UIMC1: variants seen among roughly 807,000 people sequenced by gnomAD.
UIMC1 encodes the protein BRCA1-A complex subunit RAP80.
A neutral mutation model predicts 84.9 loss-of-function variants in UIMC1; 42 were observed. The observed-to-expected ratio is 0.49, with a 90% confidence interval of 0.39 to 0.64. The LOEUF (loss-of-function observed/expected upper bound fraction) is 0.64. Among genes scored for constraint, UIMC1 ranks in the 30% least tolerant of loss-of-function variants. The pLI, the probability that UIMC1 is intolerant of heterozygous loss-of-function variation, is 0.00. For synonymous variants in UIMC1, 281 were observed against 293.0 expected (o/e 0.96, Z 0.42); for missense variants, 825 against 847.6 (o/e 0.97, Z 0.33).
chr5:176,963,566 G>T (rs1767865968), intron 6 of UIMC1, among the ~76,000 whole-genome samples: 1 of 151,074 alleles, frequency 6.6e-6, no homozygotes, highest in Non-Finnish European at 1.5e-5. Flanking sequence ...AAATCATCTG[G>T]TCATCACAGA....
chr5:176,967,185 A>G (rs776873772), intron 6 of UIMC1, among the ~76,000 whole-genome samples: 49 of 152,214 alleles, frequency 3.2e-4, no homozygotes, highest in Non-Finnish European at 5.6e-4. Context: ...ACAGAAAATT[A>G]TCATATAATA....
intron 6 of UIMC1, among the ~76,000 whole-genome samples, chr5:176,960,608 C>T (rs1360293708): frequency 3.8e-5 from 1 of 26,102 alleles, no homozygotes; most frequent in Non-Finnish European, 6.3e-5. Flanking sequence ...GCCCTCTCTC[C>T]CTCTCCCCCT....
intron 1 of UIMC1, among the ~76,000 whole-genome samples, chr5:176,989,636 A>C (rs554069632): frequency 6.6e-6 from 1 of 152,088 alleles, no homozygotes; most frequent in Non-Finnish European, 1.5e-5. Context: ...CAGCCTAGTC[A>C]ACCGACCAAG....
intron 3 of UIMC1, among the ~76,000 whole-genome samples, chr5:176,972,268 G>A (rs1769358896): frequency 1.3e-5 from 2 of 152,064 alleles, no homozygotes; most frequent in Non-Finnish European, 2.9e-5. Context: ...CAGGCATGGT[G>A]GTGAGCGCCT....
At chr5:176,906,251 T>G (rs1412610003) in intron 13 of UIMC1, 10 of 545,892 alleles carry the variant, frequency 1.8e-5, no homozygotes, top group African/African-American at 3.8e-5. Context: ...ATGAACACTT[T>G]TGAATGAACA....
intron 13 of UIMC1, 36 bp downstream of exon 13, chr5:176,907,078 G>C (rs1252836699): frequency 3.1e-6 from 5 of 1,607,840 alleles, no homozygotes; most frequent in Non-Finnish European, 4.3e-6. Flanking sequence ...AAAGGCCTTA[G>C]GCAGAAGCCC....
intron 4 of UIMC1, 69 bp downstream of exon 4, chr5:176,970,673 T>A (rs776663606): frequency 3.5e-5 from 56 of 1,611,052 alleles, no homozygotes; most frequent in Non-Finnish European, 4.7e-5. Flanking sequence ...CTAATGCAAC[T>A]ACAACACCAC....
At chr5:177,004,390 G>A (rs1774977622) in intron 1 of UIMC1, among the ~76,000 whole-genome samples, 1 of 151,970 alleles carries the variant, frequency 6.6e-6, no homozygotes. Flanking sequence ...AAATAAGAAA[G>A]GTCCCTGATC....
chr5:176,961,970 CG>C (rs1767532426), intron 6 of UIMC1, among the ~76,000 whole-genome samples: 1 of 70,958 alleles, frequency 1.4e-5, no homozygotes, highest in Non-Finnish European at 2.9e-5. Context: ...CCCGGCCAGC[CG>C]CCCCGTCCGG....
intron 6 of UIMC1, among the ~76,000 whole-genome samples, chr5:176,961,794 C>A (rs1286845911): frequency 1.0e-4 from 1 of 9,594 alleles, no homozygotes; most frequent in Admixed American, 4.6e-4. Flanking sequence ...CCCGGCCAGC[C>A]GCCCCGTCTG....
At chr5:177,020,020 G>T (rs1215775177) in intron 1 of UIMC1, among the ~76,000 whole-genome samples, 1 of 152,180 alleles carries the variant, frequency 6.6e-6, no homozygotes, top group Non-Finnish European at 1.5e-5. Flanking sequence ...CTGACATAGT[G>T]CTGGTGCTCA....
At chr5:176,985,730 G>C (rs923714967) in intron 1 of UIMC1, among the ~76,000 whole-genome samples, 4 of 152,002 alleles carry the variant, frequency 2.6e-5, no homozygotes, top group Non-Finnish European at 5.9e-5. Flanking sequence ...TCAGCTTCCT[G>C]TGCAGCTGGG....
chr5:176,968,994 G>C lies in UIMC1; in HGVS notation c.761C>G (p.Ser254Cys). The C allele has an allele frequency of 6.2e-7, 1 of 1,614,214 alleles. No homozygotes were observed. The highest frequency in any genetic ancestry group is 8.5e-7 in the Non-Finnish European group (1 of 1,180,044). Residue 254 changes from serine to cysteine, a missense_variant, in exon 6 of 15, where the codon TCT (serine) becomes TGT (cysteine). Transcript: ENST00000511320. ...LKAVQGSGDT[S>C]RHCLPTLADA... is the part of the protein sequence containing the mutation. ...TGCTAGGGTAGGTAGACAGTGCCTA[G>C]ATGTGTCCCCGCTACCCTGGACAGC...
intron 6 of UIMC1, among the ~76,000 whole-genome samples, chr5:176,963,906 T>C (rs865852256): frequency 1.8e-4 from 27 of 152,156 alleles, no homozygotes; most frequent in Admixed American, 5.2e-4. Flanking sequence ...TTCTGAAAAG[T>C]AGTAACCACA....
intron 7 of UIMC1, 85 bp from the exon 8 acceptor site, chr5:176,956,120 G>C: frequency 7.7e-7 from 1 of 1,304,868 alleles, no homozygotes; most frequent in East Asian, 2.4e-5. Context: ...CACTCACAAA[G>C]CCACAGGTAA....
At chr5:176,978,026 T>C (rs1770413188) in intron 2 of UIMC1, among the ~76,000 whole-genome samples, 1 of 152,178 alleles carries the variant, frequency 6.6e-6, no homozygotes, top group African/African-American at 2.4e-5. Context: ...AAAGACTTTT[T>C]TTCATATACA....
intron 2 of UIMC1, among the ~76,000 whole-genome samples, chr5:176,979,915 G>C (rs1302308455): frequency 6.6e-6 from 1 of 152,160 alleles, no homozygotes; most frequent in Non-Finnish European, 1.5e-5. Flanking sequence ...TAGAGTGTCA[G>C]TCTGAGTGAC....
intron 12 of UIMC1, 134 bp downstream of exon 12, chr5:176,908,389 G>C: frequency 1.1e-6 from 1 of 905,080 alleles, no homozygotes; most frequent in Middle Eastern, 3.8e-4. Context: ...ATTTTAAAAA[G>C]CACAAATCTT....
chr5:176,997,546 G>A (rs1387877470), intron 1 of UIMC1, among the ~76,000 whole-genome samples: 4 of 151,974 alleles, frequency 2.6e-5, no homozygotes, highest in Admixed American at 6.6e-5. Flanking sequence ...TTAGCCGGGC[G>A]TGGTGGCGGG....
Sources: allele counts gnomAD v4.1 joint callset (sites outside exome capture counted in the v4.1 genomes callset), GRCh38; gene constraint gnomAD v4.1.1; transcripts MANE v1.5; gene names NCBI Gene and HGNC (gene_info 2026-07-23, HGNC 2026-07-21).